HEMK2: variants seen among roughly 807,000 people sequenced by gnomAD.
The protein encoded by HEMK2 is methyltransferase HEMK2.
the HEMK2 span, among the ~76,000 whole-genome samples, chr21:28,630,143 G>C: frequency 2.0e-5 from 3 of 151,966 alleles, no homozygotes; most frequent in African/African-American, 7.2e-5. Flanking sequence ...AGGCCGATTT[G>C]CTGTAAAGTT....
At chr21:28,656,499 G>A in the HEMK2 span, among the ~76,000 whole-genome samples, 1 of 151,922 alleles carries the variant, frequency 6.6e-6, no homozygotes, top group Admixed American at 6.6e-5. Context: ...CTCAGCCTTA[G>A]ACAGGGCTCT....
At chr21:28,711,494 A>G in the HEMK2 span, among the ~76,000 whole-genome samples, 1 of 152,172 alleles carries the variant, frequency 6.6e-6, no homozygotes, top group Admixed American at 6.5e-5. Flanking sequence ...TTGGGCTGCT[A>G]GAACAGTTGG....
At chr21:28,713,431 T>C in the HEMK2 span, among the ~76,000 whole-genome samples, 1 of 152,308 alleles carries the variant, frequency 6.6e-6, no homozygotes, top group Non-Finnish European at 1.5e-5. Context: ...CTATTCCGCG[T>C]TGACTCTCAG....
chr21:28,669,063 G>A, the HEMK2 span, among the ~76,000 whole-genome samples: 31 of 152,272 alleles, frequency 2.0e-4, 1 homozygote, highest in East Asian at 6.0e-3. Context: ...CTTGTAGAAA[G>A]AAGAGAATAA....
chr21:28,681,596 A>C, the HEMK2 span, among the ~76,000 whole-genome samples: 3 of 152,226 alleles, frequency 2.0e-5, no homozygotes, highest in African/African-American at 7.2e-5. Context: ...TTGCTAAGTC[A>C]ATCCTAAGCC....
the HEMK2 span, among the ~76,000 whole-genome samples, chr21:28,621,007 C>G: frequency 6.7e-6 from 1 of 149,896 alleles, no homozygotes; most frequent in African/African-American, 2.4e-5. Context: ...AGTGGTCTAT[C>G]TAGTTGGTTA....
At chr21:28,730,192 G>T in the HEMK2 span, among the ~76,000 whole-genome samples, 53 of 137,154 alleles carry the variant, frequency 3.9e-4, no homozygotes, top group Non-Finnish European at 7.1e-4. Flanking sequence ...AGCCTGGGGA[G>T]CATAGTGAGA....
At chr21:28,582,905 A>G in the HEMK2 span, among the ~76,000 whole-genome samples, 1 of 152,178 alleles carries the variant, frequency 6.6e-6, no homozygotes, top group Non-Finnish European at 1.5e-5. Context: ...AACCTTTTAT[A>G]CTAGTTGATA....
the HEMK2 span, among the ~76,000 whole-genome samples, chr21:28,701,687 T>C: frequency 2.6e-5 from 4 of 151,638 alleles, no homozygotes; most frequent in Admixed American, 2.6e-4. Context: ...AGAGGTGACA[T>C]AAACAAATGG....
chr21:28,784,853 T>C, the HEMK2 span, among the ~76,000 whole-genome samples: 1 of 152,220 alleles, frequency 6.6e-6, no homozygotes, highest in African/African-American at 2.4e-5. Context: ...TCAGATCCCC[T>C]TCCACAATGT....
the HEMK2 span, among the ~76,000 whole-genome samples, chr21:28,679,808 C>A: frequency 1.3e-5 from 2 of 151,998 alleles, no homozygotes; most frequent in Non-Finnish European, 2.9e-5. Flanking sequence ...CTATTGGGTA[C>A]ATAACGAAAT....
the HEMK2 span, among the ~76,000 whole-genome samples, chr21:28,638,455 G>C: frequency 6.6e-6 from 1 of 152,318 alleles, no homozygotes; most frequent in East Asian, 1.9e-4. Context: ...AGGCCAGCAA[G>C]ATCCTGATCT....
the HEMK2 span, among the ~76,000 whole-genome samples, chr21:28,625,411 T>G: frequency 6.6e-6 from 1 of 152,190 alleles, no homozygotes; most frequent in South Asian, 2.1e-4. Flanking sequence ...CCTTTCATTT[T>G]GCTTATGAGA....
At chr21:28,641,515 T>A in the HEMK2 span, among the ~76,000 whole-genome samples, 3 of 152,142 alleles carry the variant, frequency 2.0e-5, no homozygotes. Context: ...ACAGAACAGA[T>A]AACCCTAAAC....
chr21:28,835,505 C>G, the HEMK2 span, among the ~76,000 whole-genome samples: 1 of 152,126 alleles, frequency 6.6e-6, no homozygotes. Flanking sequence ...CAGTCCTAGA[C>G]CTTCCCTTTG....
the HEMK2 span, among the ~76,000 whole-genome samples, chr21:28,713,567 G>A: frequency 1.3e-5 from 2 of 152,084 alleles, no homozygotes; most frequent in Admixed American, 6.5e-5. Flanking sequence ...TCTTTCCCCA[G>A]GCCCCTCCTT....
the HEMK2 span, among the ~76,000 whole-genome samples, chr21:28,623,074 C>A: frequency 3.3e-5 from 5 of 152,052 alleles, no homozygotes; most frequent in Non-Finnish European, 7.4e-5. Flanking sequence ...AACATTTGTG[C>A]AATCTATCCA....
chr21:28,595,875 C>G, the HEMK2 span, among the ~76,000 whole-genome samples: 1 of 151,686 alleles, frequency 6.6e-6, no homozygotes, highest in African/African-American at 2.4e-5. Context: ...AGCTCTGCCT[C>G]GCAGGTTCAT....
the HEMK2 span, among the ~76,000 whole-genome samples, chr21:28,659,387 T>G: frequency 6.6e-6 from 1 of 152,094 alleles, no homozygotes; most frequent in African/African-American, 2.4e-5. Context: ...AATATTTTTA[T>G]CAGTTCAGAA....
Sources: gnomAD v4.1 joint callset for allele counts (sites outside exome capture counted in the v4.1 genomes callset) on GRCh38, gnomAD v4.1.1 for gene constraint, MANE v1.5 for transcripts, NCBI Gene and HGNC (gene_info 2026-07-23, HGNC 2026-07-21) for gene names.